The following S1PR2 variants were observed in gnomAD, a reference collection of about 807,000 sequenced individuals.
S1PR2 encodes the protein sphingosine 1-phosphate receptor 2.
Under a neutral mutation model 16.1 loss-of-function variants are expected in S1PR2, and 9 were observed. The ratio of observed to expected loss-of-function variants is 0.56; its 90% CI spans 0.34 to 0.98. The LOEUF is 0.98. Ranked by LOEUF, S1PR2 falls within the 50% of genes least tolerant of loss-of-function variation. S1PR2 has a pLI of 0.02. For missense variants in S1PR2, 361 were observed against 488.4 expected (o/e 0.74, Z 2.46); for synonymous variants, 224 against 233.9 (o/e 0.96, Z 0.38).
At chr19:10,226,930 AC>A (rs2039639069) in intron 1 of S1PR2, among the ~76,000 whole-genome samples, 1 of 134,876 alleles carries the variant, frequency 7.4e-6, no homozygotes, top group African/African-American at 2.7e-5. Flanking sequence ...CACCCCCCCA[AC>A]CCCCTCCCAT....
intron 1 of S1PR2, chr19:10,230,535 AC>A (rs1395203062): frequency 6.5e-6 from 1 of 154,476 alleles, no homozygotes; most frequent in African/African-American, 2.4e-5. Flanking sequence ...GGGTGAGTCA[AC>A]CCGTGCCTGA....
chr19:10,224,222 C>G lies in S1PR2; in HGVS notation c.684G>C (p.Thr228=), dbSNP rs780958549. The change falls in exon 2 of 2, where the codon ACG becomes ACC. Residue 228 remains threonine, a synonymous_variant. Coordinates refer to ENST00000646641, the MANE Select transcript of S1PR2 (RefSeq NM_004230.4). ...TGGTGACCGTCTTGAGCAGGGCTAG[C>G]GTCTGCGGGGCGGCCATGTCAGCGT... is the stretch of plus-strand genomic sequence containing the variant. The part of the protein sequence containing the change: ...SSHADMAAPQ[T]LALLKTVTIV... 2 of 1,613,208 alleles carry G rather than the reference C, an allele frequency of 1.2e-6. No homozygotes were observed. The highest frequency in any genetic ancestry group is 1.7e-6 in the Non-Finnish European group (2 of 1,180,028).
intron 1 of S1PR2, among the ~76,000 whole-genome samples, chr19:10,227,131 G>A (rs1187053492): frequency 6.6e-6 from 1 of 151,988 alleles, no homozygotes; most frequent in Non-Finnish European, 1.5e-5. Context: ...AGAGGCGCCA[G>A]TGCAGTGTAT....
Position 10,224,353 on chromosome 19 carries a change from G to C in S1PR2, c.553C>G (p.Leu185Val). Residue 185 changes from leucine to valine, a missense_variant, in exon 2 of 2, where the codon CTC becomes GTC. Transcript: ENST00000646641. ...CACAGCACATAATGCTTGGCGTAGA[G>C]AGGCAGGACAGTGGAGCAGGCCTCG... is the stretch of plus-strand genomic sequence containing the variant. ...HLEACSTVLP[L>V]YAKHYVLCVV... The C allele has an allele frequency of 6.2e-7, 1 of 1,614,086 alleles. No homozygotes were observed. The highest frequency in any genetic ancestry group is 2.2e-5 in the East Asian group (1 of 44,892).
In S1PR2 at chr19:10,224,090, G is replaced by T; in HGVS notation, c.816C>A (p.Tyr272Ter). The change falls in exon 2 of 2, where the codon TAC becomes TAA. Residue 272 changes from tyrosine to a stop codon, truncating the protein, a stop_gained. Transcript: ENST00000646641. LOFTEE classifies it high-confidence loss of function. Reference sequence around the variant, plus strand: ...AATTCAGGGTGGAGACGGCGAAAAAGTAGTGGGCTTTGTAGAGGATCGGGC... The same window carrying T: ...AATTCAGGGTGGAGACGGCGAAAAATTAGTGGGCTTTGTAGAGGATCGGGC... The part of the protein sequence containing the change: ...HSCPILYKAH[Y>*]FFAVSTLNSL... 1 of 1,606,432 alleles carries T rather than the reference G, an allele frequency of 6.2e-7. No homozygotes were observed. Among genetic ancestry groups the T allele is most frequent in the African/African-American group, 1.3e-5 (1 of 75,064 alleles).
chr19:10,230,646 G>C (rs530120779), intron 1 of S1PR2, among the ~76,000 whole-genome samples: 1 of 152,244 alleles, frequency 6.6e-6, no homozygotes, highest in African/African-American at 2.4e-5. Context: ...GGAGTTGAAA[G>C]AGGAGGCGTC....
At chr19:10,226,284 G>A (rs2039634031) in intron 1 of S1PR2, among the ~76,000 whole-genome samples, 1 of 152,200 alleles carries the variant, frequency 6.6e-6, no homozygotes, top group African/African-American at 2.4e-5. Context: ...GCGGCCCTGA[G>A]ATTCAAACAT....
chr19:10,227,468 C>T (rs1275712984), intron 1 of S1PR2, among the ~76,000 whole-genome samples: 1 of 152,268 alleles, frequency 6.6e-6, no homozygotes, highest in East Asian at 1.9e-4. Context: ...GGACTGCTGC[C>T]CCTCCCAGAT....
intron 1 of S1PR2, among the ~76,000 whole-genome samples, chr19:10,226,045 TGCCCACCTA>T (rs1248729301): frequency 1.3e-5 from 2 of 151,964 alleles, no homozygotes; most frequent in African/African-American, 2.4e-5. Context: ...CCAGAAACCT[TGCCCACCTA>T]CCCAGAGAGC....
chr19:10,224,819 C>T lies in S1PR2; in HGVS notation c.87G>A (p.Glu29=). ...CCGAGGCCACCTGGCGGGAGGTCGT[C>T]TCCTGCGTTTCCAGCGTCTCCTTGG... ...NYTKETLETQ[E]TTSRQVASAF... Residue 29 remains glutamate (E), a synonymous_variant, in exon 2 of 2, where the codon GAG becomes GAA. Transcript: ENST00000646641. The T allele has an allele frequency of 6.2e-7, 1 of 1,614,256 alleles. No homozygotes were observed. The highest frequency in any genetic ancestry group is 1.3e-5 in the African/African-American group (1 of 75,074).
chr19:10,231,034 G>A lies in S1PR2; in HGVS notation c.-43+170C>T, dbSNP rs780899568. 4.1e-4 allele frequency among the ~76,000 whole-genome samples: 63 copies of A among 152,372 alleles called. 1 individual carries two copies. The highest frequency in any genetic ancestry group is 3.4e-3 in the Middle Eastern group (1 of 294). On this transcript the variant is annotated intron_variant, in intron 1 of 1. Coordinates refer to ENST00000646641, the MANE Select transcript of S1PR2 (RefSeq NM_004230.4). ...CGGGTTCGCGGCCGAGGCAGTGGGG[G>A]CCGCCCGGATTCTTGGAGAGGGCGC...
intron 1 of S1PR2, among the ~76,000 whole-genome samples, chr19:10,229,954 C>T (rs2039659708): frequency 6.6e-6 from 1 of 151,674 alleles, no homozygotes; most frequent in African/African-American, 2.4e-5. Context: ...AAATAAAACA[C>T]TCAGAAAACG....
chr19:10,227,920 T>C (rs1237744000), intron 1 of S1PR2, among the ~76,000 whole-genome samples: 1 of 152,072 alleles, frequency 6.6e-6, no homozygotes, highest in African/African-American at 2.4e-5. Flanking sequence ...TCAAGGTCCC[T>C]TTCCAGGCCT....
At chr19:10,225,552 AG>A (rs2039628812) in intron 1 of S1PR2, among the ~76,000 whole-genome samples, 1 of 151,668 alleles carries the variant, frequency 6.6e-6, no homozygotes, top group East Asian at 1.9e-4. Flanking sequence ...ACCTGCCACC[AG>A]GCCCAGCTAA....
In S1PR2 at chr19:10,222,241, G is replaced by A. The variant is rs2039597808; in HGVS notation, c.*1603C>T. ...CTGCCACCTCAGCCTGGGTGACACA[G>A]TGAGACTCCATCTCAAAAACAAAAC... On this transcript the variant is annotated 3_prime_UTR_variant, in exon 2 of 2. Transcript: ENST00000646641. The A allele has an allele frequency of 6.6e-6, 1 of 152,092 alleles. No homozygotes were observed. The highest frequency in any genetic ancestry group is 1.5e-5 in the Non-Finnish European group (1 of 68,026). 9.4% of individuals were successfully genotyped at this position (152,092 alleles called of 1,614,324 possible).
chr19:10,227,060 A>G (rs2039640307), intron 1 of S1PR2, among the ~76,000 whole-genome samples: 1 of 151,468 alleles, frequency 6.6e-6, no homozygotes, highest in Non-Finnish European at 1.5e-5. Context: ...TCCTCGGCAG[A>G]GAGGATGAGA....
At chr19:10,230,451 G>C (rs2039665766) in intron 1 of S1PR2, 1 of 154,588 alleles carries the variant, frequency 6.5e-6, no homozygotes, top group African/African-American at 2.4e-5. Context: ...CCCCACGAGG[G>C]GGACTGTGGG....
intron 1 of S1PR2, among the ~76,000 whole-genome samples, chr19:10,226,437 C>A (rs1035567801): frequency 1.3e-5 from 2 of 152,228 alleles, no homozygotes; most frequent in African/African-American, 4.8e-5. Context: ...GAGAAGAAAG[C>A]CCACTTCATG....
chr19:10,223,101 A>C lies in S1PR2; in HGVS notation c.*743T>G, dbSNP rs2039603645. ...AGAATCGCTTGAACCTGGGAGGTGG[A>C]GGTTGCAGTGAGCTGAGACCGTACC... is the stretch of plus-strand genomic sequence containing the variant. On this transcript the variant is annotated 3_prime_UTR_variant, in exon 2 of 2. Transcript: ENST00000646641. The C allele has an allele frequency of 7.4e-6, 1 of 136,044 alleles. No individual in the cohort carries two copies. The highest frequency in any genetic ancestry group is 1.5e-5 in the Non-Finnish European group (1 of 65,230). The allele number at this position is 136,044 out of a possible 1,614,324, so 8.4% of individuals were successfully genotyped here. A position where few individuals can be genotyped will look rare whatever the true frequency, so the allele number is the denominator to read the frequency against.
Sources: gnomAD v4.1 joint callset for allele counts (sites outside exome capture counted in the v4.1 genomes callset) on GRCh38, gnomAD v4.1.1 for gene constraint, MANE v1.5 for transcripts, NCBI Gene and HGNC (gene_info 2026-07-23, HGNC 2026-07-21) for gene names.